DLG5: variants seen among roughly 807,000 people sequenced by gnomAD.
DLG5 encodes disks large homolog 5.
Under a neutral mutation model 189.8 loss-of-function variants are expected in DLG5, and 48 were observed. The ratio of observed to expected loss-of-function variants is 0.25; its 90% confidence interval spans 0.20 to 0.32. The LOEUF is 0.32. DLG5 is among the 10% of genes least tolerant of loss of function. The pLI is 1.00. For synonymous variants in DLG5, 1,016 were observed against 1,054.1 expected (o/e 0.96, Z 0.70); for missense variants, 2,160 against 2,544.7 (o/e 0.85, Z 3.25).
chr10:77,851,154 T>C (rs1416034848), intron 5 of DLG5, among the ~76,000 whole-genome samples: 1 of 152,240 alleles, frequency 6.6e-6, no homozygotes, highest in Non-Finnish European at 1.5e-5. Flanking sequence ...GGCAGCTTCC[T>C]GGGAGCTTTG....
chr10:77,804,613 C>T (rs1252511436), intron 27 of DLG5, among the ~76,000 whole-genome samples: 5 of 152,332 alleles, frequency 3.3e-5, no homozygotes, highest in South Asian at 2.1e-4. Flanking sequence ...CTGGGAGCCA[C>T]GTTCCTAAGG....
chr10:77,793,180 G>A (rs1057448454), intron 31 of DLG5: 2 of 152,494 alleles, frequency 1.3e-5, no homozygotes, highest in African/African-American at 4.8e-5. Context: ...GCAAGACTTA[G>A]AGTTTTAAAT....
At chr10:77,793,935 A>G in intron 31 of DLG5, 73 bp downstream of exon 31, 1 of 1,420,728 alleles carries the variant, frequency 7.0e-7, no homozygotes, top group South Asian at 1.2e-5. Context: ...TCCACGGCTA[A>G]GAAAACAGCC....
rs1410783410 is a variant in DLG5 at position 77,830,309 on chromosome 10, C to T, written c.1917G>A (p.Met639Ile). 2 of 1,614,096 alleles carry T rather than the reference C, an allele frequency of 1.2e-6. No homozygotes were observed. Among genetic ancestry groups the T allele is most frequent in the Non-Finnish European group, 1.7e-6 (2 of 1,180,050 alleles). The change falls in exon 11 of 32, where the codon ATG (methionine) becomes ATA (isoleucine). Residue 639 changes from methionine to isoleucine, a missense_variant. Physicochemically the swap from Met to Ile is conservative, Grantham distance 10. This residue lies in a region of DLG5 where 107 missense variants were observed against 214.5 expected (regional missense o/e 0.50). Transcript: ENST00000372391. ...AACAAGGCTCATTCACACCTTCTGC[C>T]ATATCAAACCCCAGTGCCTTCAAGT... is the stretch of plus-strand genomic sequence containing the variant. ...DIDLKALGFD[M>I]AEGVNEPCFP...
chr10:77,800,715 C>CT (rs969114472), intron 27 of DLG5, among the ~76,000 whole-genome samples: 3 of 152,226 alleles, frequency 2.0e-5, no homozygotes, highest in African/African-American at 7.2e-5. Flanking sequence ...CAGGTTTTCC[C>CT]TTAAAGCCAT....
rs771357288 is a variant in DLG5, at chr10:77,842,148, G to A, written c.1170C>T (p.Asn390=). The A allele has an allele frequency of 1.2e-6, 2 of 1,608,822 alleles. No homozygotes were observed. Among genetic ancestry groups the A allele is most frequent in the African/African-American group, 1.3e-5 (1 of 74,944 alleles). The part of the protein sequence containing the change: ...HHELNKATAQ[N]KDLQWEMELL... ...GCTCCATCTCCCACTGCAGGTCCTT[G>A]TTCTGCGCCGTGGCCTTGTTCAGCT... The change falls in exon 7 of 32, where the codon AAC becomes AAT. Residue 390 remains asparagine, a synonymous_variant. Coordinates refer to ENST00000372391, the MANE Select transcript of DLG5 (RefSeq NM_004747.4).
chr10:77,831,784 C>T (rs1022651373), intron 9 of DLG5, among the ~76,000 whole-genome samples: 1 of 152,244 alleles, frequency 6.6e-6, no homozygotes, highest in African/African-American at 2.4e-5. Flanking sequence ...TAAAAGTTAA[C>T]GCCAACTATA....
intron 1 of DLG5, among the ~76,000 whole-genome samples, chr10:77,873,626 A>T (rs1002315692): frequency 6.6e-6 from 1 of 152,058 alleles, no homozygotes; most frequent in African/African-American, 2.4e-5. Flanking sequence ...GGCCCAAGAG[A>T]GATGGAAGCA....
intron 1 of DLG5, among the ~76,000 whole-genome samples, chr10:77,873,441 G>T (rs1159858114): frequency 6.6e-6 from 1 of 152,092 alleles, no homozygotes; most frequent in African/African-American, 2.4e-5. Context: ...CTCTGGGACT[G>T]GCCCACGGGC....
chr10:77,865,355 C>T (rs1000761560), intron 2 of DLG5, among the ~76,000 whole-genome samples: 4 of 152,146 alleles, frequency 2.6e-5, no homozygotes, highest in Admixed American at 2.6e-4. Context: ...GCAGCCCCCA[C>T]TTCCCTGATG....
chr10:77,859,799 ACC>A, intron 2 of DLG5, among the ~76,000 whole-genome samples: 1 of 152,204 alleles, frequency 6.6e-6, no homozygotes, highest in Non-Finnish European at 1.5e-5. Flanking sequence ...TCCAGGCCGC[ACC>A]TTTGGGGTCA....
At chr10:77,845,348 T>C (rs554831398) in intron 5 of DLG5, 1 of 152,314 alleles carries the variant, frequency 6.6e-6, no homozygotes, top group African/African-American at 2.4e-5. Context: ...ACCTGGCTCA[T>C]TCAGTGGCAG....
chr10:77,938,747 C>G, the DLG5 span, among the ~76,000 whole-genome samples: 3 of 152,216 alleles, frequency 2.0e-5, no homozygotes, highest in Non-Finnish European at 4.4e-5. Context: ...GCATCATGAG[C>G]AGCTCCATCA....
chr10:77,859,773 G>C (rs1844400110), intron 2 of DLG5, among the ~76,000 whole-genome samples: 1 of 152,228 alleles, frequency 6.6e-6, no homozygotes, highest in Admixed American at 6.5e-5. Flanking sequence ...CATCATGACA[G>C]CCAGGATTTC....
chr10:77,878,735 C>T (rs954819145), intron 1 of DLG5, among the ~76,000 whole-genome samples: 3 of 152,176 alleles, frequency 2.0e-5, no homozygotes, highest in Non-Finnish European at 1.5e-5. Flanking sequence ...CATGGCAATT[C>T]CAAGCCATCC....
At chr10:77,926,882 C>T (rs1199643831), upstream of DLG5, 3 of 328,544 alleles carry the variant, frequency 9.1e-6, no homozygotes, top group East Asian at 1.6e-4. This position sits in a 1 kb window ranked among gnomAD's most constrained non-coding sequence, Gnocchi z 5.2. Flanking sequence ...CCGCGCGCGC[C>T]GCCCGCCCCG....
intron 19 of DLG5, 145 bp from the exon 20 acceptor site, chr10:77,816,846 GC>G: frequency 7.3e-7 from 1 of 1,378,000 alleles, no homozygotes; most frequent in Non-Finnish European, 1.0e-6. Context: ...GCTCTGCATT[GC>G]CCCCTACCCC....
At chr10:77,872,620 T>C (rs535262081) in intron 1 of DLG5, among the ~76,000 whole-genome samples, 2 of 152,214 alleles carry the variant, frequency 1.3e-5, no homozygotes, top group South Asian at 2.1e-4. Context: ...AAAGACGACA[T>C]TGTCTCGGTC....
In DLG5 at chr10:77,805,808, T is replaced by C. The variant is rs146366181; in HGVS notation, c.5021A>G (p.Asn1674Ser). The part of the protein sequence containing the change: ...RLSMSEVKDD[N>S]SATKTLSAAA... ...CGCTGACAGCGTCTTTGTGGCGCTA[T>C]TGTCATCTTTGACTTCAGACATGCT... The change falls in exon 27 of 32, where the codon AAT (asparagine) becomes AGT (serine). Residue 1674 changes from asparagine to serine, a missense_variant. This residue lies in a region of DLG5 where 574 missense variants were observed against 644.2 expected (regional missense o/e 0.89). Coordinates refer to ENST00000372391, the MANE Select transcript of DLG5 (RefSeq NM_004747.4). 9.3e-5 allele frequency: 150 copies of C among 1,614,178 alleles called. No homozygotes were observed. In the African/African-American group the frequency reaches 1.7e-3, roughly 19 times the overall value.
Sources: gnomAD v4.1 joint callset for allele counts (sites outside exome capture counted in the v4.1 genomes callset) on GRCh38, gnomAD v4.1.1 for gene constraint, gnomAD v4.1.1 regional missense constraint, Gnocchi (gnomAD v3.1) non-coding constraint, MANE v1.5 for transcripts, NCBI Gene and HGNC (gene_info 2026-07-23, HGNC 2026-07-21) for gene names.